Variants in SULT2B1 observed in about 807,000 individuals in gnomAD.
SULT2B1 encodes the protein sulfotransferase 2B1.
Under a neutral mutation model 33.2 loss-of-function variants are expected in SULT2B1, and 16 were observed. That is an observed-to-expected ratio of 0.48 (90% confidence interval 0.33 to 0.73). The LOEUF (loss-of-function observed/expected upper bound fraction) is 0.73, where lower values mean the gene tolerates loss of function less well. SULT2B1 is among the 30% of genes least tolerant of loss of function. The pLI is 0.02. For missense variants in SULT2B1, 500 were observed against 506.0 expected (o/e 0.99, Z 0.11); for synonymous variants, 186 against 200.5 (o/e 0.93, Z 0.61).
chr19:48,580,441 G>A (rs1014603256), intron 2 of SULT2B1, among the ~76,000 whole-genome samples: 5 of 151,492 alleles, frequency 3.3e-5, no homozygotes, highest in South Asian at 4.2e-4. Context: ...TGTATTTTTA[G>A]TAGAGACGGG....
At chr19:48,554,535 C>G (rs1190634605) in intron 1 of SULT2B1, among the ~76,000 whole-genome samples, 1 of 149,686 alleles carries the variant, frequency 6.7e-6, no homozygotes, top group Non-Finnish European at 1.5e-5. Context: ...ACCACTCCAG[C>G]CTTGGCTGTC....
rs938481216 is a variant in SULT2B1 at position 48,573,331 on chromosome 19, C to G, written c.72-2610C>G. Among the ~76,000 whole-genome samples, 3 of 152,098 alleles carry G rather than the reference C, an allele frequency of 2.0e-5. No homozygotes were observed. In the South Asian group the frequency reaches 6.2e-4, roughly 32 times the overall value. On this transcript the variant is annotated intron_variant, in intron 1 of 6. Transcript: ENST00000201586. ...CGCTGGCTTAATTGTCCCTTTCATT[C>G]CTCCACTCAAATCGAGCGATATCAG...
chr19:48,560,619 A>G (rs1033138899), intron 1 of SULT2B1, among the ~76,000 whole-genome samples: 3 of 152,186 alleles, frequency 2.0e-5, no homozygotes, highest in Non-Finnish European at 2.9e-5. Context: ...TTTTAATCAC[A>G]TATCTAATCT....
At chr19:48,568,918 C>T (rs1189703867) in intron 1 of SULT2B1, among the ~76,000 whole-genome samples, 1 of 152,212 alleles carries the variant, frequency 6.6e-6, no homozygotes, top group African/African-American at 2.4e-5. Context: ...CTTCTGGTCC[C>T]CACACACCGC....
chr19:48,588,669 G>T (rs972777688), intron 3 of SULT2B1, among the ~76,000 whole-genome samples: 1 of 151,636 alleles, frequency 6.6e-6, no homozygotes. Flanking sequence ...ATTTACATTG[G>T]GGGGAGAGGG....
intron 3 of SULT2B1, among the ~76,000 whole-genome samples, chr19:48,590,047 T>C (rs1336453794): frequency 6.6e-6 from 1 of 152,116 alleles, no homozygotes; most frequent in East Asian, 1.9e-4. Flanking sequence ...TGGCACGATC[T>C]TGGCTCACTG....
intron 1 of SULT2B1, among the ~76,000 whole-genome samples, chr19:48,556,864 C>T (rs777844897): frequency 6.6e-6 from 1 of 151,830 alleles, no homozygotes; most frequent in Non-Finnish European, 1.5e-5. Flanking sequence ...GCAGGAGAAT[C>T]GCTTGAACCC....
At chr19:48,553,509 C>T (rs1022931510) in intron 1 of SULT2B1, among the ~76,000 whole-genome samples, 1 of 152,282 alleles carries the variant, frequency 6.6e-6, no homozygotes, top group Admixed American at 6.5e-5. Flanking sequence ...GAAAGGGTTT[C>T]ACCATGTCGG....
chr19:48,561,681 G>C (rs1211765349), intron 1 of SULT2B1, among the ~76,000 whole-genome samples: 1 of 152,118 alleles, frequency 6.6e-6, no homozygotes, highest in African/African-American at 2.4e-5. Context: ...GCTACAGTGG[G>C]ACTCGGATGG....
At chr19:48,597,831 G>A (rs1490716171) in intron 6 of SULT2B1, among the ~76,000 whole-genome samples, 1 of 149,980 alleles carries the variant, frequency 6.7e-6, no homozygotes, top group Non-Finnish European at 1.5e-5. Flanking sequence ...TTCTAGTAGA[G>A]ACAGGTTTTC....
rs16982154 is a variant in SULT2B1, at chr19:48,592,741, C to T, written c.570C>T (p.Phe190=). ...CCACAGTGCAGTTTGGCTCCTGGTT[C>T]GACCACATTAAGGGCTGGCTTCGGA... ...LKGEVQFGSW[F]DHIKGWLRMK... Residue 190 remains phenylalanine, a synonymous_variant, in exon 5 of 7, where the codon TTC becomes TTT. Transcript: ENST00000201586. 1,535 of 1,598,076 alleles carry T rather than the reference C, an allele frequency of 9.6e-4. 9 individuals carry two copies. In the African/African-American group the frequency reaches 0.019, roughly 20 times the overall value.
intron 1 of SULT2B1, among the ~76,000 whole-genome samples, chr19:48,572,717 G>A (rs1280142555): frequency 2.0e-5 from 3 of 152,060 alleles, no homozygotes; most frequent in Non-Finnish European, 4.4e-5. Flanking sequence ...GAGGGGCAGC[G>A]GAGAAGACCT....
intron 2 of SULT2B1, among the ~76,000 whole-genome samples, chr19:48,579,694 C>T (rs1973461377): frequency 6.7e-6 from 1 of 149,592 alleles, no homozygotes; most frequent in East Asian, 2.0e-4. Context: ...GCAACCTCTG[C>T]CTCCTAGGTT....
intron 2 of SULT2B1, among the ~76,000 whole-genome samples, chr19:48,581,340 G>T (rs1037733935): frequency 6.6e-6 from 1 of 151,430 alleles, no homozygotes; most frequent in East Asian, 1.9e-4. Flanking sequence ...CACCGCACCT[G>T]GCCATATATT....
chr19:48,588,355 A>G (rs1456922794), intron 3 of SULT2B1, among the ~76,000 whole-genome samples: 1 of 151,710 alleles, frequency 6.6e-6, no homozygotes, highest in Non-Finnish European at 1.5e-5. Context: ...TCTACTAAAA[A>G]TACAAAGTTA....
At chr19:48,591,777 C>T in intron 4 of SULT2B1, 42 bp downstream of exon 4, 2 of 1,521,952 alleles carry the variant, frequency 1.3e-6, no homozygotes, top group Middle Eastern at 1.7e-4. Context: ...TGGGGAGGAG[C>T]CCCAGAGGAC....
At chr19:48,592,604 A>C in intron 4 of SULT2B1, 118 bp from the exon 5 acceptor site, 2 of 812,340 alleles carry the variant, frequency 2.5e-6, no homozygotes, top group South Asian at 3.3e-5. Context: ...GAGGGCATCC[A>C]GCTCTGGGGG....
At chr19:48,567,348 G>A (rs1387071119) in intron 1 of SULT2B1, among the ~76,000 whole-genome samples, 1 of 151,942 alleles carries the variant, frequency 6.6e-6, no homozygotes, top group East Asian at 1.9e-4. Flanking sequence ...CAGATCACGA[G>A]GTCAGGAGTT....
At chr19:48,564,949 C>T (rs1440590195) in intron 1 of SULT2B1, among the ~76,000 whole-genome samples, 1 of 151,916 alleles carries the variant, frequency 6.6e-6, no homozygotes, top group Admixed American at 6.6e-5. Context: ...TGCCACCACG[C>T]CCGGCTAATT....
Sources: gnomAD v4.1 joint callset for allele counts (sites outside exome capture counted in the v4.1 genomes callset) on GRCh38, gnomAD v4.1.1 for gene constraint, MANE v1.5 for transcripts, NCBI Gene and HGNC (gene_info 2026-07-23, HGNC 2026-07-21) for gene names.